FRMPD4: variants seen among roughly 807,000 people sequenced by gnomAD.
The protein encoded by FRMPD4 is FERM and PDZ domain-containing protein 4.
FRMPD4 carries 22 observed loss-of-function variants against 94.1 expected under a neutral mutation model. The ratio of observed to expected loss-of-function variants is 0.23; its 90% confidence interval spans 0.17 to 0.33. The LOEUF is 0.33. FRMPD4 is among the 10% of genes least tolerant of loss of function. The probability of loss-of-function intolerance (pLI) is 1.00; values close to 1 mark genes in which losing one functional copy is unlikely to be tolerated. For synonymous variants in FRMPD4, 631 were observed against 548.6 expected (o/e 1.15, Z -2.10); for missense variants, 1,111 against 1,339.9 (o/e 0.83, Z 2.67).
intron 1 of FRMPD4, among the ~76,000 whole-genome samples, chrX:12,160,874 A>G (rs957009082): frequency 1.2e-4 from 13 of 111,335 alleles, no homozygotes; most frequent in African/African-American, 4.2e-4. Context: ...TTGTATTAGT[A>G]ATCACCAATG....
chrX:11,907,266 C>G (rs987304508), intron 3 of FRMPD4, among the ~76,000 whole-genome samples: 5 of 110,535 alleles, frequency 4.5e-5, no homozygotes, highest in Non-Finnish European at 9.5e-5. Flanking sequence ...TGGACCCACT[C>G]AGAGTCCATT....
intron 2 of FRMPD4, among the ~76,000 whole-genome samples, chrX:12,549,306 C>T (rs764623678): frequency 8.9e-6 from 1 of 111,939 alleles, no homozygotes; most frequent in African/African-American, 3.2e-5. Flanking sequence ...ACAACACAGA[C>T]TCTTCTTTGC....
chrX:12,126,725 T>G (rs1475368125), intron 3 of FRMPD4, among the ~76,000 whole-genome samples: 1 of 111,901 alleles, frequency 8.9e-6, no homozygotes, highest in Non-Finnish European at 1.9e-5. Flanking sequence ...GGTTTCTCCC[T>G]TCCATTACTA....
intron 3 of FRMPD4, among the ~76,000 whole-genome samples, chrX:12,051,325 G>T (rs954734074): frequency 2.3e-4 from 26 of 111,341 alleles, no homozygotes; most frequent in African/African-American, 8.1e-4. Context: ...GGTATCCAAG[G>T]TAGCAACGGA....
At chrX:12,061,731 G>C (rs371084081) in intron 3 of FRMPD4, among the ~76,000 whole-genome samples, 43 of 111,114 alleles carry the variant, frequency 3.9e-4, no homozygotes, top group African/African-American at 1.3e-3. Flanking sequence ...TGATTATAGG[G>C]GTATTTGCTT....
intron 1 of FRMPD4, among the ~76,000 whole-genome samples, chrX:12,252,609 A>C (rs2054057562): frequency 8.9e-6 from 1 of 112,383 alleles, no homozygotes; most frequent in Non-Finnish European, 1.9e-5. Flanking sequence ...TGTGAATCTG[A>C]AAATATCACA....
At chrX:11,870,848 A>G (rs1229702970) in intron 2 of FRMPD4, among the ~76,000 whole-genome samples, 1 of 112,505 alleles carries the variant, frequency 8.9e-6, no homozygotes, top group Non-Finnish European at 1.9e-5. Context: ...AGGGAATTGG[A>G]CTAGATTAAC....
intron 3 of FRMPD4, among the ~76,000 whole-genome samples, chrX:11,914,837 T>A (rs1017664720): frequency 1.8e-5 from 2 of 112,250 alleles, no homozygotes; most frequent in Non-Finnish European, 3.8e-5. Context: ...TAAACTTTTT[T>A]CATGTATATG....
At chrX:11,893,880 A>G (rs2053888525) in intron 3 of FRMPD4, among the ~76,000 whole-genome samples, 1 of 111,990 alleles carries the variant, frequency 8.9e-6, no homozygotes, top group African/African-American at 3.2e-5. Flanking sequence ...TAGCACACAC[A>G]TCTTGCCCCA....
At chrX:12,438,076 C>T (rs956730236) in intron 1 of FRMPD4, among the ~76,000 whole-genome samples, 3 of 110,956 alleles carry the variant, frequency 2.7e-5, no homozygotes, top group Non-Finnish European at 3.8e-5. Context: ...ATTTTGCAGC[C>T]CTAAAAAGAA....
chrX:12,134,560 G>A (rs1158148386), upstream of FRMPD4, among the ~76,000 whole-genome samples: 1 of 112,069 alleles, frequency 8.9e-6, no homozygotes, highest in East Asian at 2.8e-4. Context: ...ACCCTCAGCT[G>A]CCAACCTATA....
At position 12,583,558 on chromosome X, in the gene FRMPD4, A is replaced by C. The variant is rs1569349733; in HGVS notation, c.159-26163A>C. On this transcript the variant is annotated intron_variant, in intron 2 of 16. Transcript: ENST00000675598. ...ATCCTCATAACCAAAACCACGCTCC[A>C]GCGCAAGCCAGGCCTAACCGCACCA... 3.6e-6 allele frequency: 3 copies of C among 827,804 alleles called. No individual in the cohort carries two copies. In the East Asian group the frequency reaches 1.1e-4, roughly 29 times the overall value. 68.2% of individuals were successfully genotyped at this position (827,804 alleles called of 1,213,427 possible).
At position 12,167,531 on chromosome X, in the gene FRMPD4, A is replaced by G. The variant is rs138943873; in HGVS notation, c.41+28519A>G. Among the ~76,000 whole-genome samples the G allele has an allele frequency of 4.2e-3, 472 of 111,773 alleles. 4 individuals are homozygous for G. The highest frequency in any genetic ancestry group is 0.015 in the African/African-American group (451 of 30,777). ...GGGATTTTAATTGGGGGAAATGAAT[A>G]TCAAGTGGTAGCCACTTAGATCTGG... On this transcript the variant is annotated intron_variant, in intron 1 of 16. Coordinates refer to ENST00000675598, the MANE Select transcript of FRMPD4 (RefSeq NM_001368397.1).
At chrX:12,561,797 C>T (rs2058662512) in intron 2 of FRMPD4, among the ~76,000 whole-genome samples, 1 of 112,365 alleles carries the variant, frequency 8.9e-6, no homozygotes, top group African/African-American at 3.2e-5. Flanking sequence ...GTGACAGAAA[C>T]TCTGACTCAA....
At chrX:12,485,004 A>G (rs150133256) in intron 1 of FRMPD4, among the ~76,000 whole-genome samples, 3,960 of 112,331 alleles carry the variant, frequency 0.035, 183 homozygotes, top group African/African-American at 0.12. Context: ...TTTGCAAGCC[A>G]TACAGTCTCT....
intron 3 of FRMPD4, among the ~76,000 whole-genome samples, chrX:12,057,078 A>C (rs1160854226): frequency 8.9e-6 from 1 of 112,091 alleles, no homozygotes; most frequent in African/African-American, 3.2e-5. Flanking sequence ...TGTATGATGA[A>C]TTTAATGTTT....
At chrX:12,647,620 C>A (rs959296651) in intron 4 of FRMPD4, among the ~76,000 whole-genome samples, 6 of 111,621 alleles carry the variant, frequency 5.4e-5, no homozygotes, top group Admixed American at 9.5e-5. Context: ...CTACTGCACC[C>A]CTTGAACACT....
intron 3 of FRMPD4, among the ~76,000 whole-genome samples, chrX:12,126,492 G>A (rs1043620228): frequency 2.7e-5 from 3 of 111,534 alleles, no homozygotes; most frequent in African/African-American, 9.8e-5. Context: ...TGGATCTGAA[G>A]TTTTGGTAGT....
At chrX:12,055,776 G>C (rs1034571365) in intron 3 of FRMPD4, among the ~76,000 whole-genome samples, 1 of 111,580 alleles carries the variant, frequency 9.0e-6, no homozygotes, top group Non-Finnish European at 1.9e-5. Context: ...CAACTAGAGA[G>C]GATGGAGGGT....
Sources: gnomAD v4.1 joint callset for allele counts (sites outside exome capture counted in the v4.1 genomes callset) on GRCh38, gnomAD v4.1.1 for gene constraint, MANE v1.5 for transcripts, NCBI Gene and HGNC (gene_info 2026-07-23, HGNC 2026-07-21) for gene names.